RARB: variants seen among roughly 807,000 people sequenced by gnomAD.
RARB encodes HBV-activated protein.
A neutral mutation model predicts 51.9 loss-of-function variants in RARB; 17 were observed. The ratio of observed to expected loss-of-function variants is 0.33; its 90% CI spans 0.22 to 0.49. RARB has a LOEUF of 0.49. Ranked by LOEUF, RARB falls within the 20% of genes least tolerant of loss-of-function variation. RARB has a pLI of 0.99. For missense variants in RARB, 369 were observed against 550.8 expected (o/e 0.67, Z 3.30); for synonymous variants, 215 against 195.4 (o/e 1.10, Z -0.84).
At chr3:25,352,711 T>C (rs1705612851) in intron 5 of RARB, among the ~76,000 whole-genome samples, 1 of 152,204 alleles carries the variant, frequency 6.6e-6, no homozygotes, top group Admixed American at 6.5e-5. Flanking sequence ...TGAACAGAGC[T>C]CAACTCAAAT....
intron 3 of RARB, among the ~76,000 whole-genome samples, chr3:25,113,378 A>C (rs888432582): frequency 6.6e-6 from 1 of 152,160 alleles, no homozygotes; most frequent in Non-Finnish European, 1.5e-5. Flanking sequence ...AATTTTGTTC[A>C]TTCTGGTTTA....
At chr3:24,944,065 G>C (rs972833234) in intron 2 of RARB, among the ~76,000 whole-genome samples, 23 of 152,106 alleles carry the variant, frequency 1.5e-4, no homozygotes, top group Admixed American at 8.5e-4. Context: ...GTGACCAAGG[G>C]GGGTTTGGGA....
intron 2 of RARB, among the ~76,000 whole-genome samples, chr3:24,969,958 A>G (rs1325457569): frequency 6.6e-6 from 1 of 152,100 alleles, no homozygotes; most frequent in Non-Finnish European, 1.5e-5. Flanking sequence ...ATAGGACACT[A>G]TATACCACGA....
At chr3:25,205,368 C>G (rs1465189038) in intron 5 of RARB, among the ~76,000 whole-genome samples, 1 of 152,178 alleles carries the variant, frequency 6.6e-6, no homozygotes, top group South Asian at 2.1e-4. Flanking sequence ...ACCCCTTGCA[C>G]TTCCCGGGTG....
rs1167244651 is a variant in RARB, at chr3:25,538,697, G to C, written c.449-31061G>C. Among the ~76,000 whole-genome samples the C allele has an allele frequency of 2.6e-5, 4 of 152,200 alleles. No individual in the cohort carries two copies. The South Asian group carries it at 8.3e-4, about 31-fold the overall frequency. On this transcript the variant is annotated intron_variant, in intron 3 of 7. Coordinates refer to ENST00000330688, the MANE Select transcript of RARB (RefSeq NM_000965.5). ...AAAAGTATTTGTCCATGATAAATTA[G>C]AAATGGAGGGAAAACACTAGAATCA...
chr3:25,463,188 A>G (rs1376892424), intron 2 of RARB, among the ~76,000 whole-genome samples: 1 of 152,040 alleles, frequency 6.6e-6, no homozygotes, highest in Non-Finnish European at 1.5e-5. Context: ...CAATTTCTTA[A>G]TGGGCAGAGC....
intron 4 of RARB, among the ~76,000 whole-genome samples, chr3:25,572,573 C>T (rs534394123): frequency 2.0e-5 from 3 of 152,176 alleles, no homozygotes; most frequent in African/African-American, 4.8e-5. Context: ...TACACAGAAT[C>T]CCTTGAGAGG....
At chr3:24,842,597 C>T (rs1411330737) in intron 1 of RARB, among the ~76,000 whole-genome samples, 2 of 152,044 alleles carry the variant, frequency 1.3e-5, no homozygotes, top group South Asian at 2.1e-4. Flanking sequence ...AGTAATAGTC[C>T]TCTTGAGAAA....
At chr3:25,289,292 C>A (rs2125420791) in intron 5 of RARB, among the ~76,000 whole-genome samples, 1 of 152,328 alleles carries the variant, frequency 6.6e-6, no homozygotes, top group African/African-American at 2.4e-5. Context: ...GTGTGTAAAG[C>A]ACTGAGCACA....
chr3:25,265,209 C>A (rs987359989), intron 5 of RARB, among the ~76,000 whole-genome samples: 1 of 152,040 alleles, frequency 6.6e-6, no homozygotes, highest in Non-Finnish European at 1.5e-5. Flanking sequence ...ACAATAGAGG[C>A]CACTCAAGCT....
At chr3:25,370,943 T>A (rs1003748145) in intron 5 of RARB, among the ~76,000 whole-genome samples, 2 of 152,194 alleles carry the variant, frequency 1.3e-5, no homozygotes, top group Non-Finnish European at 1.5e-5. Context: ...CCTGGCTTGA[T>A]AACTCCACTC....
At chr3:25,576,298 G>A (rs1166453494) in intron 4 of RARB, among the ~76,000 whole-genome samples, 1 of 152,188 alleles carries the variant, frequency 6.6e-6, no homozygotes, top group African/African-American at 2.4e-5. Flanking sequence ...TAGCTGCTGT[G>A]TCTGGCTGGA....
chr3:25,518,486 C>T (rs991312309), intron 3 of RARB, among the ~76,000 whole-genome samples: 1 of 145,468 alleles, frequency 6.9e-6, no homozygotes, highest in Admixed American at 6.6e-5. Context: ...CTCAGGACAT[C>T]CCTCCAGGTA....
intron 3 of RARB, among the ~76,000 whole-genome samples, chr3:25,102,948 A>G (rs1699432256): frequency 1.3e-5 from 2 of 152,170 alleles, no homozygotes; most frequent in African/African-American, 4.8e-5. Context: ...CTACTTGGGT[A>G]GATGAGCAGG....
At chr3:25,099,005 G>A (rs1699350372) in intron 3 of RARB, among the ~76,000 whole-genome samples, 1 of 152,158 alleles carries the variant, frequency 6.6e-6, no homozygotes, top group African/African-American at 2.4e-5. Context: ...TCAACCCTGT[G>A]AAAGCTGGGG....
At chr3:25,259,106 C>A in intron 5 of RARB, 1 of 979,358 alleles carries the variant, frequency 1.0e-6, no homozygotes, top group Non-Finnish European at 1.2e-6. Context: ...CTGTCTCATT[C>A]AAAATGACAA....
chr3:25,361,696 A>G (rs1418785738), intron 5 of RARB, among the ~76,000 whole-genome samples: 1 of 151,794 alleles, frequency 6.6e-6, no homozygotes, highest in Non-Finnish European at 1.5e-5. Flanking sequence ...TGTTGGTGCT[A>G]TTGCTTTCTG....
chr3:25,428,637 G>T lies in RARB; in HGVS notation c.-95G>T, dbSNP rs1256595324. 1 of 1,459,714 alleles carries T rather than the reference G, an allele frequency of 6.9e-7. No individual in the cohort carries two copies. Among genetic ancestry groups the T allele is most frequent in the African/African-American group, 1.4e-5 (1 of 71,118 alleles). 90.4% of individuals were successfully genotyped at this position (1,459,714 alleles called of 1,614,324 possible). A position where few individuals can be genotyped will look rare whatever the true frequency, so the allele number is the denominator to read the frequency against. ...CAACAGCCTACGTGCCAAAAAAGGG[G>T]CAGAGTTTGATGGAGTTGGGTGGAC... On this transcript the variant is annotated 5_prime_UTR_variant, in exon 1 of 8. Transcript: ENST00000330688.
rs1696855708 is a variant in RARB at position 25,493,533 on chromosome 3, A to AATG, written c.307-7647_307-7645dup. On this transcript the variant is annotated intron_variant, in intron 2 of 7. Transcript: ENST00000330688. ...GAGCTCCAGCCTTGCTGCATGGCTG[A>AATG]ATGACTACCTGGGCTGGTCATTTGG... 2.6e-5 allele frequency among the ~76,000 whole-genome samples: 4 copies of AATG among 152,340 alleles called. No homozygotes were observed. The East Asian group carries it at 7.7e-4, about 29-fold the overall frequency.
Sources: gnomAD v4.1 joint callset for allele counts (sites outside exome capture counted in the v4.1 genomes callset) on GRCh38, gnomAD v4.1.1 for gene constraint, MANE v1.5 for transcripts, NCBI Gene and HGNC (gene_info 2026-07-23, HGNC 2026-07-21) for gene names.